KIF6: variants seen among roughly 807,000 people sequenced by gnomAD.
The protein encoded by KIF6 is kinesin family member 6.
A neutral mutation model predicts 112.7 loss-of-function variants in KIF6; 106 were observed. The ratio of observed to expected loss-of-function variants is 0.94; its 90% CI spans 0.80 to 1.11. KIF6 has a LOEUF of 1.11. Ranked by LOEUF, KIF6 falls within the 50% of genes least tolerant of loss-of-function variation. The probability of loss-of-function intolerance (pLI) is 0.00; values close to 1 mark genes in which losing one functional copy is unlikely to be tolerated. For missense variants in KIF6, 929 were observed against 964.0 expected, an observed-to-expected ratio of 0.96 and a Z score of 0.48; for synonymous variants, 339 against 339.9, an observed-to-expected ratio of 1.00 and a Z score of 0.03.
At chr6:39,598,531 C>G (rs902039020) in intron 6 of KIF6, among the ~76,000 whole-genome samples, 4 of 151,528 alleles carry the variant, frequency 2.6e-5, no homozygotes, top group Non-Finnish European at 5.9e-5. Flanking sequence ...CAATAAACTA[C>G]TAGATATATT....
chr6:39,416,550 G>T (rs1769936131), intron 15 of KIF6, among the ~76,000 whole-genome samples: 1 of 152,176 alleles, frequency 6.6e-6, no homozygotes, highest in Non-Finnish European at 1.5e-5. Context: ...TCAACATCAG[G>T]ATTGATGTAA....
chr6:39,545,482 T>A lies in KIF6; in HGVS notation c.1287+101A>T, dbSNP rs188380443. 632 of 711,328 alleles carry A rather than the reference T, an allele frequency of 8.9e-4. 2 individuals are homozygous for A. Among genetic ancestry groups the A allele is most frequent in the East Asian group, 6.0e-3 (230 of 38,264 alleles). 44.1% of individuals were successfully genotyped at this position (711,328 alleles called of 1,614,324 possible). On this transcript the variant is annotated intron_variant, in intron 11 of 22. Coordinates refer to ENST00000287152, the MANE Select transcript of KIF6 (RefSeq NM_145027.6). ...ATCGTACCATTTTCTGGACATGCAA[T>A]GCTGGATCCTAACCTTCCAAGAACT...
At chr6:39,647,356 A>G (rs565261552) in intron 3 of KIF6, among the ~76,000 whole-genome samples, 1 of 152,252 alleles carries the variant, frequency 6.6e-6, no homozygotes, top group East Asian at 1.9e-4. Flanking sequence ...ATAGGCTCCC[A>G]GTCTCCTTCT....
intron 13 of KIF6, among the ~76,000 whole-genome samples, chr6:39,453,826 C>A (rs950967401): frequency 6.6e-6 from 1 of 152,126 alleles, no homozygotes; most frequent in African/African-American, 2.4e-5. Context: ...TAAAAATATT[C>A]CTTAATTATT....
intron 6 of KIF6, 123 bp downstream of exon 6, chr6:39,613,066 G>T: frequency 2.9e-6 from 2 of 698,992 alleles, no homozygotes; most frequent in Non-Finnish European, 4.1e-6. Flanking sequence ...AGGTTTGGAC[G>T]AGATTATTTT....
At chr6:39,508,886 G>T (rs146323539) in intron 13 of KIF6, among the ~76,000 whole-genome samples, 1 of 152,172 alleles carries the variant, frequency 6.6e-6, no homozygotes, top group Admixed American at 6.5e-5. Flanking sequence ...TTCCCAGCAC[G>T]GCATTTGAGC....
At chr6:39,382,789 T>C (rs1247727359) in intron 16 of KIF6, among the ~76,000 whole-genome samples, 1 of 152,124 alleles carries the variant, frequency 6.6e-6, no homozygotes, top group Non-Finnish European at 1.5e-5. Flanking sequence ...CCACCAGCAG[T>C]GTATAAATAT....
intron 16 of KIF6, among the ~76,000 whole-genome samples, chr6:39,379,810 A>C (rs1039302247): frequency 1.3e-5 from 2 of 152,268 alleles, no homozygotes; most frequent in African/African-American, 4.8e-5. Flanking sequence ...TGCTAAGGGC[A>C]GTGCAGCGTG....
chr6:39,385,756 G>GAA (rs10655582), intron 15 of KIF6, 84 bp from the exon 16 acceptor site: 17,439 of 495,742 alleles, frequency 0.035, 321 homozygotes, highest in African/African-American at 0.13. Flanking sequence ...GCAAGCTACA[G>GAA]AAAAAAAAAA....
chr6:39,538,024 T>C (rs1263166826), intron 13 of KIF6, among the ~76,000 whole-genome samples: 1 of 152,154 alleles, frequency 6.6e-6, no homozygotes, highest in South Asian at 2.1e-4. Flanking sequence ...ATGTAGAAAG[T>C]TGAAACTGAA....
rs917161145 is a variant in KIF6, at chr6:39,482,048, G to A, written c.1646-50887C>T. Among the ~76,000 whole-genome samples the A allele has an allele frequency of 2.8e-5, 4 of 142,968 alleles. No homozygotes were observed. The East Asian group carries it at 9.6e-4, about 34-fold the overall frequency. The allele number at this position is 142,968 out of a possible 152,430, so 93.8% of individuals were successfully genotyped here. ...CACACACACACACACACACCCCACT[G>A]GGACCCGTGGGAGGCAGCAATATCA... On this transcript the variant is annotated intron_variant, in intron 13 of 22. Transcript: ENST00000287152.
chr6:39,624,076 T>C (rs58404384), intron 5 of KIF6, among the ~76,000 whole-genome samples: 3,655 of 152,216 alleles, frequency 0.024, 153 homozygotes, highest in African/African-American at 0.082. Flanking sequence ...AGGAAACAAC[T>C]GGCTGAAGTG....
chr6:39,672,034 C>A (rs992977756), intron 3 of KIF6, among the ~76,000 whole-genome samples: 1 of 152,174 alleles, frequency 6.6e-6, no homozygotes, highest in Non-Finnish European at 1.5e-5. Flanking sequence ...GTTGCCAACC[C>A]TGAACTGGAA....
chr6:39,651,554 A>C (rs1253997156), intron 3 of KIF6, among the ~76,000 whole-genome samples: 1 of 152,208 alleles, frequency 6.6e-6, no homozygotes, highest in African/African-American at 2.4e-5. Context: ...GACACTGTAC[A>C]CTGACTGGAC....
chr6:39,658,915 T>C (rs1251325005), intron 3 of KIF6, among the ~76,000 whole-genome samples: 1 of 152,192 alleles, frequency 6.6e-6, no homozygotes, highest in East Asian at 1.9e-4. Flanking sequence ...ACACAAACTT[T>C]GGGCTAGAAG....
intron 13 of KIF6, among the ~76,000 whole-genome samples, chr6:39,464,002 T>C (rs908429131): frequency 2.0e-5 from 3 of 152,202 alleles, no homozygotes; most frequent in Middle Eastern, 3.2e-3. Context: ...TAGGTGTACA[T>C]ATTTATTACT....
intron 16 of KIF6, among the ~76,000 whole-genome samples, chr6:39,376,711 A>G (rs1422976304): frequency 6.6e-6 from 1 of 152,190 alleles, no homozygotes; most frequent in Admixed American, 6.5e-5. Context: ...TCACAGAGGG[A>G]TATGCAGAGT....
At chr6:39,625,423 A>G (rs1327360273) in intron 5 of KIF6, among the ~76,000 whole-genome samples, 1 of 152,144 alleles carries the variant, frequency 6.6e-6, no homozygotes, top group African/African-American at 2.4e-5. Flanking sequence ...ACAGTGTTTC[A>G]GTTCTCAATG....
chr6:39,363,552 A>C (rs1473220855), intron 16 of KIF6, among the ~76,000 whole-genome samples: 1 of 152,050 alleles, frequency 6.6e-6, no homozygotes, highest in African/African-American at 2.4e-5. Context: ...CCTAGCCCAG[A>C]GTGTGGGGAC....
Sources: gnomAD v4.1 joint callset for allele counts (sites outside exome capture counted in the v4.1 genomes callset) on GRCh38, gnomAD v4.1.1 for gene constraint, MANE v1.5 for transcripts, NCBI Gene and HGNC (gene_info 2026-07-23, HGNC 2026-07-21) for gene names.